The following PLXNA4 variants were observed in gnomAD, a reference collection of about 807,000 sequenced individuals.
PLXNA4 encodes plexin A4.
PLXNA4 carries 44 observed loss-of-function variants against 191.8 expected under a neutral mutation model. That is an observed-to-expected ratio of 0.23 (90% CI 0.18 to 0.29). The LOEUF (loss-of-function observed/expected upper bound fraction) is 0.29. Among genes scored for constraint, PLXNA4 ranks in the 10% least tolerant of loss-of-function variants. The pLI, the probability that PLXNA4 is intolerant of heterozygous loss-of-function variation, is 1.00. For missense variants in PLXNA4, 1,800 were observed against 2,488.8 expected, an observed-to-expected ratio of 0.72 and a Z score of 5.89; for synonymous variants, 1,082 against 1,009.5, an observed-to-expected ratio of 1.07 and a Z score of -1.36.
chr7:132,467,272 G>C (rs28411905), intron 3 of PLXNA4, among the ~76,000 whole-genome samples: 1 of 152,048 alleles, frequency 6.6e-6, no homozygotes, highest in Non-Finnish European at 1.5e-5. Flanking sequence ...CTATATTGGG[G>C]GGTGAGTTTG....
chr7:132,514,879 C>CA lies in PLXNA4; in HGVS notation c.-86-6101dup, dbSNP rs1368398670. Among the ~76,000 whole-genome samples, 5 of 151,980 alleles carry CA rather than the reference C, an allele frequency of 3.3e-5. No homozygotes were observed. The East Asian group carries it at 7.7e-4, about 23-fold the overall frequency. ...GAAGCCCAACTAATATAGTCATGGTCAAAAAAATTTGAAACACACTTTCAG... is the reference window on the plus strand; with the variant it reads ...GAAGCCCAACTAATATAGTCATGGTCAAAAAAAATTTGAAACACACTTTCAG... On this transcript the variant is annotated intron_variant, in intron 1 of 31. Transcript: ENST00000321063.
rs77475434 is a variant in PLXNA4, at chr7:132,375,897, G to T, written c.1372-77675C>A. Among the ~76,000 whole-genome samples the T allele has an allele frequency of 2.8e-3, 419 of 152,266 alleles. 2 individuals carry two copies. The highest frequency in any genetic ancestry group is 9.6e-3 in the African/African-American group (400 of 41,548). On this transcript the variant is annotated intron_variant, in intron 3 of 31. Coordinates refer to ENST00000321063, the MANE Select transcript of PLXNA4 (RefSeq NM_020911.2). ...TATGTGGAATTTAGAAAGGAAAAAG[G>T]CAAATAGGAGCCAAGGAGAGCAAGA...
rs371673767 is a variant in PLXNA4, at chr7:132,243,124, T to C, written c.1504-1958A>G. ...TGTCTCATATTAAAAATAGGAAATA[T>C]GTTATTACTTAATAAATGCAGTTTG... On this transcript the variant is annotated intron_variant, in intron 4 of 31. Coordinates refer to ENST00000321063, the MANE Select transcript of PLXNA4 (RefSeq NM_020911.2). Among the ~76,000 whole-genome samples, 3 of 152,238 alleles carry C rather than the reference T, an allele frequency of 2.0e-5. No individual in the cohort carries two copies. In the East Asian group the frequency reaches 5.8e-4, roughly 29 times the overall value.
chr7:132,436,124 G>A (rs1563097407), intron 3 of PLXNA4, among the ~76,000 whole-genome samples: 1 of 152,162 alleles, frequency 6.6e-6, no homozygotes. Flanking sequence ...TGCTGGGTCA[G>A]GTGTCAGCCT....
chr7:132,542,894 A>C (rs943673223), intron 1 of PLXNA4, among the ~76,000 whole-genome samples: 2 of 152,188 alleles, frequency 1.3e-5, no homozygotes, highest in Non-Finnish European at 2.9e-5. Flanking sequence ...CAAAACTTGT[A>C]ATCTTGTCTT....
At chr7:132,301,478 G>A (rs1038277411) in intron 3 of PLXNA4, among the ~76,000 whole-genome samples, 5 of 121,192 alleles carry the variant, frequency 4.1e-5, no homozygotes, top group Non-Finnish European at 8.2e-5. Flanking sequence ...CCCTTTATAG[G>A]TGTGGCACAA....
chr7:132,233,680 A>G (rs1487069610), intron 5 of PLXNA4, among the ~76,000 whole-genome samples: 3 of 152,214 alleles, frequency 2.0e-5, no homozygotes, highest in Non-Finnish European at 4.4e-5. Flanking sequence ...CAGCAGGTTC[A>G]GGGGTTGAGT....
chr7:132,135,784 T>C (rs1022943719), intron 30 of PLXNA4, among the ~76,000 whole-genome samples: 1 of 152,176 alleles, frequency 6.6e-6, no homozygotes, highest in African/African-American at 2.4e-5. Flanking sequence ...GACGTGCCTC[T>C]CCTGAACACA....
At chr7:132,291,391 A>C (rs1443534755) in intron 4 of PLXNA4, among the ~76,000 whole-genome samples, 1 of 152,196 alleles carries the variant, frequency 6.6e-6, no homozygotes, top group African/African-American at 2.4e-5. Flanking sequence ...ACCTGATCTA[A>C]GCCATTCACT....
At chr7:132,355,110 A>G (rs1262177226) in intron 3 of PLXNA4, among the ~76,000 whole-genome samples, 2 of 152,182 alleles carry the variant, frequency 1.3e-5, no homozygotes, top group Non-Finnish European at 1.5e-5. Context: ...GGGCTGGTTC[A>G]TGAAGCCTTG....
At chr7:132,379,339 T>G (rs1367379832) in intron 3 of PLXNA4, among the ~76,000 whole-genome samples, 1 of 152,154 alleles carries the variant, frequency 6.6e-6, no homozygotes, top group Non-Finnish European at 1.5e-5. Context: ...TCCCTCCTCA[T>G]GTGGGAGCCT....
intron 30 of PLXNA4, among the ~76,000 whole-genome samples, chr7:132,136,131 C>T (rs1354696889): frequency 6.6e-6 from 1 of 152,188 alleles, no homozygotes; most frequent in Non-Finnish European, 1.5e-5. Flanking sequence ...CACTCCCTAG[C>T]CAGCACCTTG....
At chr7:132,612,598 A>G (rs572737340) in intron 2 of PLXNA4, among the ~76,000 whole-genome samples, 106 of 141,710 alleles carry the variant, frequency 7.5e-4, no homozygotes, top group Non-Finnish European at 2.7e-4. Context: ...CAGGAGGCAG[A>G]GGTTGCAGTG....
At chr7:132,485,979 G>A (rs147621817) in intron 3 of PLXNA4, among the ~76,000 whole-genome samples, 3 of 152,184 alleles carry the variant, frequency 2.0e-5, no homozygotes, top group Non-Finnish European at 2.9e-5. Flanking sequence ...CGGATAGCTC[G>A]GTCTAGCTCC....
At chr7:132,298,373 A>G in intron 3 of PLXNA4, 151 bp from the exon 4 acceptor site, 1 of 1,083,166 alleles carries the variant, frequency 9.2e-7, no homozygotes, top group African/African-American at 1.6e-5. Context: ...GTGGAGTGAC[A>G]TAAGCTCACC....
intron 2 of PLXNA4, among the ~76,000 whole-genome samples, chr7:132,645,356 T>C (rs1285887840): frequency 6.6e-6 from 1 of 152,110 alleles, no homozygotes; most frequent in East Asian, 1.9e-4. Flanking sequence ...GACTTGATGG[T>C]TTTACAAGTG....
chr7:132,596,750 GA>G (rs1378703853), intron 2 of PLXNA4, among the ~76,000 whole-genome samples: 11 of 151,590 alleles, frequency 7.3e-5, no homozygotes, highest in African/African-American at 2.2e-4. Flanking sequence ...ATACCATTAA[GA>G]AGGAAGGCTG....
intron 3 of PLXNA4, among the ~76,000 whole-genome samples, chr7:132,325,498 T>A (rs952438276): frequency 6.6e-6 from 1 of 152,146 alleles, no homozygotes; most frequent in Admixed American, 6.5e-5. Context: ...GCAGAAATAA[T>A]CAAGATAAGA....
chr7:132,381,248 CAG>C (rs1804881042), intron 3 of PLXNA4, among the ~76,000 whole-genome samples: 1 of 152,128 alleles, frequency 6.6e-6, no homozygotes, highest in Non-Finnish European at 1.5e-5. Flanking sequence ...TGGCGTGAGG[CAG>C]AGACAGGACT....
Sources: allele counts gnomAD v4.1 joint callset (sites outside exome capture counted in the v4.1 genomes callset), GRCh38; gene constraint gnomAD v4.1.1; transcripts MANE v1.5; gene names NCBI Gene and HGNC (gene_info 2026-07-23, HGNC 2026-07-21).